The following TDRD3 variants were observed in gnomAD, a reference collection of about 807,000 sequenced individuals.
TDRD3 encodes the protein tudor domain containing 3, also known as tudor domain-containing protein 3.
In TDRD3, 45 loss-of-function variants were observed where a neutral mutation model predicts 86.7. The ratio of observed to expected loss-of-function variants is 0.52; its 90% CI spans 0.41 to 0.67. TDRD3 has a LOEUF of 0.67. TDRD3 is among the 30% of genes least tolerant of loss of function. The probability of loss-of-function intolerance (pLI) is 0.00; values close to 1 mark genes in which losing one functional copy is unlikely to be tolerated. For missense variants in TDRD3, 814 were observed against 889.0 expected, an observed-to-expected ratio of 0.92 and a Z score of 1.07; for synonymous variants, 298 against 301.7, an observed-to-expected ratio of 0.99 and a Z score of 0.13.
intron 2 of TDRD3, among the ~76,000 whole-genome samples, chr13:60,440,841 T>C (rs1427721942): frequency 6.6e-6 from 1 of 152,104 alleles, no homozygotes; most frequent in African/African-American, 2.4e-5. Flanking sequence ...GACAAATCCA[T>C]CATATCACTG....
At chr13:60,464,681 T>C (rs1056244971) in intron 4 of TDRD3, among the ~76,000 whole-genome samples, 1 of 152,146 alleles carries the variant, frequency 6.6e-6, no homozygotes, top group African/African-American at 2.4e-5. Flanking sequence ...GAGAGCATTG[T>C]ATTAAGTGAA....
intron 2 of TDRD3, among the ~76,000 whole-genome samples, chr13:60,440,438 G>T (rs966688049): frequency 6.6e-6 from 1 of 151,924 alleles, no homozygotes; most frequent in African/African-American, 2.4e-5. Context: ...ATCCAAGCAC[G>T]TTGGGAGGCC....
chr13:60,467,475 G>A, intron 5 of TDRD3, 96 bp downstream of exon 5: 2 of 1,382,112 alleles, frequency 1.4e-6, no homozygotes. Flanking sequence ...AGTTCTTTGT[G>A]TCGGAGTTGA....
chr13:60,533,206 G>A (rs909486730), intron 11 of TDRD3, among the ~76,000 whole-genome samples: 5 of 152,174 alleles, frequency 3.3e-5, no homozygotes. Flanking sequence ...AAACACCGTG[G>A]ATTCACTTAA....
chr13:60,464,410 T>G (rs897591780), intron 4 of TDRD3, among the ~76,000 whole-genome samples: 3 of 152,142 alleles, frequency 2.0e-5, no homozygotes, highest in African/African-American at 7.2e-5. Flanking sequence ...GGATATATAT[T>G]CAAAAGAAAG....
intron 3 of TDRD3, among the ~76,000 whole-genome samples, chr13:60,448,392 GA>G (rs1461459576): frequency 1.3e-5 from 2 of 152,150 alleles, no homozygotes; most frequent in African/African-American, 4.8e-5. Flanking sequence ...GCAAAAAGTA[GA>G]AGTAGCTTTA....
chr13:60,547,513 G>T (rs757527587), intron 12 of TDRD3: 13 of 562,242 alleles, frequency 2.3e-5, no homozygotes, highest in Non-Finnish European at 2.9e-5. Flanking sequence ...AATATCTCTG[G>T]GTCCCAGTTT....
intron 12 of TDRD3, among the ~76,000 whole-genome samples, chr13:60,542,749 G>T (rs529127528): frequency 6.6e-6 from 1 of 152,046 alleles, no homozygotes; most frequent in Non-Finnish European, 1.5e-5. Flanking sequence ...TACTTTTATC[G>T]TCTTATGAGT....
At chr13:60,515,173 C>A (rs1445671755) in intron 10 of TDRD3, among the ~76,000 whole-genome samples, 2 of 152,278 alleles carry the variant, frequency 1.3e-5, no homozygotes, top group East Asian at 3.9e-4. Context: ...AAACAGTAAT[C>A]AGATTTGATC....
At chr13:60,430,138 A>G (rs972372217) in intron 1 of TDRD3, among the ~76,000 whole-genome samples, 1 of 152,168 alleles carries the variant, frequency 6.6e-6, no homozygotes. Flanking sequence ...ATTTTCATCT[A>G]GTTTTCACTA....
intron 10 of TDRD3, among the ~76,000 whole-genome samples, chr13:60,513,624 G>A (rs932980301): frequency 1.3e-5 from 2 of 152,138 alleles, no homozygotes; most frequent in African/African-American, 4.8e-5. Context: ...CTCGGTGAGA[G>A]GTAATTGAAT....
In TDRD3 at chr13:60,467,384, G is replaced by A; in HGVS notation, c.495+5G>A. The stretch of plus-strand genomic sequence containing the variant: ...GAGAAATGGGAGTTACAGAGAGTAA[G>A]TGTAAACTATGGCTTGAACTTTTGA... On this transcript the variant is annotated splice_donor_5th_base_variant and intron_variant, in intron 5 of 13. Transcript: ENST00000377881. The A allele has an allele frequency of 6.2e-7, 1 of 1,612,218 alleles. No individual in the cohort carries two copies. The highest frequency in any genetic ancestry group is 8.5e-7 in the Non-Finnish European group (1 of 1,179,402).
At chr13:60,425,508 G>A (rs1462129864) in intron 1 of TDRD3, among the ~76,000 whole-genome samples, 2 of 152,110 alleles carry the variant, frequency 1.3e-5, no homozygotes, top group South Asian at 4.1e-4. Flanking sequence ...CCTATTCTGA[G>A]TATATATCCA....
At chr13:60,437,187 C>T (rs938421790) in intron 1 of TDRD3, among the ~76,000 whole-genome samples, 2 of 133,830 alleles carry the variant, frequency 1.5e-5, no homozygotes, top group Non-Finnish European at 3.1e-5. Context: ...AGTGCAATGG[C>T]ATGATCTCGG....
intron 3 of TDRD3, among the ~76,000 whole-genome samples, chr13:60,454,397 T>A (rs1390950763): frequency 6.6e-6 from 1 of 152,054 alleles, no homozygotes; most frequent in Non-Finnish European, 1.5e-5. Context: ...TTTTTAATAA[T>A]TTTTTTTAAT....
Position 60,397,359 on chromosome 13 carries a change from G to A in TDRD3, c.-6G>A. 3 of 1,474,922 alleles carry A rather than the reference G, an allele frequency of 2.0e-6. No individual in the cohort carries two copies. The highest frequency in any genetic ancestry group is 2.7e-6 in the Non-Finnish European group (3 of 1,109,568). The allele number at this position is 1,474,922 out of a possible 1,614,324, so 91.4% of individuals were successfully genotyped here. On this transcript the variant is annotated 5_prime_UTR_variant, in exon 1 of 14. Coordinates refer to ENST00000377881, the MANE Select transcript of TDRD3 (RefSeq NM_001146070.2). ...CCCCCCACCACCCCCGGCCTAAGCA[G>A]CTACCATGGCCCAGGTGGCCGGCGC... is the stretch of plus-strand genomic sequence containing the variant.
chr13:60,444,115 T>G (rs969869555), intron 2 of TDRD3, among the ~76,000 whole-genome samples: 4 of 151,950 alleles, frequency 2.6e-5, no homozygotes, highest in African/African-American at 9.7e-5. Context: ...AGTTATTTGT[T>G]TACCACCTTC....
chr13:60,556,531 G>A (rs1958188674), intron 12 of TDRD3, among the ~76,000 whole-genome samples: 1 of 152,138 alleles, frequency 6.6e-6, no homozygotes, highest in African/African-American at 2.4e-5. Flanking sequence ...AATAGATCTG[G>A]GAATAGATTG....
chr13:60,405,346 A>G (rs895544739), intron 1 of TDRD3, among the ~76,000 whole-genome samples: 1 of 152,186 alleles, frequency 6.6e-6, no homozygotes, highest in Admixed American at 6.5e-5. Flanking sequence ...TAGAAAAAAA[A>G]CCCATTAATT....
Sources: allele counts gnomAD v4.1 joint callset (sites outside exome capture counted in the v4.1 genomes callset), GRCh38; gene constraint gnomAD v4.1.1; transcripts MANE v1.5; gene names NCBI Gene and HGNC (gene_info 2026-07-23, HGNC 2026-07-21).